DLGAP1: variants seen among roughly 807,000 people sequenced by gnomAD.
DLGAP1 encodes DLG associated protein 1.
Under a neutral mutation model 90.8 loss-of-function variants are expected in DLGAP1, and 11 were observed. That is an observed-to-expected ratio of 0.12 (90% CI 0.08 to 0.20). The LOEUF is 0.20. Among genes scored for constraint, DLGAP1 ranks in the 10% least tolerant of loss-of-function variants. DLGAP1 has a pLI of 1.00. For synonymous variants in DLGAP1, 558 were observed against 540.7 expected, an observed-to-expected ratio of 1.03 and a Z score of -0.44; for missense variants, 1,050 against 1,333.8, an observed-to-expected ratio of 0.79 and a Z score of 3.31.
At chr18:3,618,441 T>C (rs1230078927) in intron 7 of DLGAP1, among the ~76,000 whole-genome samples, 2 of 152,104 alleles carry the variant, frequency 1.3e-5, no homozygotes, top group East Asian at 2.0e-4. Context: ...TTATTTCCAC[T>C]GTGTCCAGGG....
At chr18:4,290,550 G>A (rs1195688951) in intron 1 of DLGAP1, among the ~76,000 whole-genome samples, 1 of 152,156 alleles carries the variant, frequency 6.6e-6, no homozygotes, top group Non-Finnish European at 1.5e-5. Flanking sequence ...GGTCACTGTC[G>A]GGGAGAAGTT....
rs2146517026 is a variant in DLGAP1, at chr18:3,655,807, G to T, written c.1591+73328C>A. ...CAAATAAGGCCACAGAAGAGCCCAG[G>T]CTCGCTGACGAGCACCGGCTCCGAG... On this transcript the variant is annotated intron_variant, in intron 7 of 12. Coordinates refer to ENST00000315677, the MANE Select transcript of DLGAP1 (RefSeq NM_004746.4). 4 of 395,202 alleles carry T rather than the reference G, an allele frequency of 1.0e-5. No homozygotes were observed. The East Asian group carries it at 1.6e-4, about 16-fold the overall frequency. The allele number at this position is 395,202 out of a possible 1,614,324, so 24.5% of individuals were successfully genotyped here.
intron 6 of DLGAP1, among the ~76,000 whole-genome samples, chr18:3,730,729 A>C (rs2062392540): frequency 6.6e-6 from 1 of 152,214 alleles, no homozygotes. Flanking sequence ...CTTCAGATAA[A>C]AGTGACCAAT....
chr18:4,208,541 G>C (rs1371388352), intron 1 of DLGAP1, among the ~76,000 whole-genome samples: 1 of 152,184 alleles, frequency 6.6e-6, no homozygotes. Flanking sequence ...ATATGTTGTT[G>C]AAATTTAGAG....
chr18:3,994,267 G>A (rs2074025532), intron 3 of DLGAP1, among the ~76,000 whole-genome samples: 1 of 152,180 alleles, frequency 6.6e-6, no homozygotes, highest in African/African-American at 2.4e-5. Context: ...GCCCCTCTGC[G>A]ATGGCAGCCT....
At chr18:3,919,347 C>A (rs576320305) in intron 3 of DLGAP1, among the ~76,000 whole-genome samples, 4 of 152,196 alleles carry the variant, frequency 2.6e-5, no homozygotes, top group African/African-American at 9.6e-5. Context: ...CTTTAGTTCA[C>A]TAAAAATGCA....
chr18:3,879,682 C>G lies in DLGAP1; in HGVS notation c.387G>C (p.Glu129Asp), dbSNP rs1287588880. 6.2e-7 allele frequency: 1 copy of G among 1,607,352 alleles called. No homozygotes were observed. The highest frequency in any genetic ancestry group is 1.1e-5 in the South Asian group (1 of 91,018). ...TGCGGCCGGGGCTGTCGCTGCGGTG[C>G]TCCACGGCCGTGCGCTTGTACTGCA... ...HTLQYKRTAV[E>D]HRSDSPGRIR... is the part of the protein sequence containing the mutation. Residue 129 changes from glutamate (E) to aspartate (D), a missense_variant, in exon 4 of 13, where the codon GAG (glutamate) becomes GAC (aspartate). Physicochemically the swap from Glu to Asp is conservative, Grantham distance 45. Coordinates refer to ENST00000315677, the MANE Select transcript of DLGAP1 (RefSeq NM_004746.4). This position sits in a 1 kb window ranked among gnomAD's most constrained non-coding sequence, Gnocchi z 6.6.
chr18:4,409,927 T>C (rs930959027), intron 1 of DLGAP1, among the ~76,000 whole-genome samples: 1 of 151,874 alleles, frequency 6.6e-6, no homozygotes, highest in Non-Finnish European at 1.5e-5. Context: ...AGTCAACGAG[T>C]GGATAAAAAA....
intron 1 of DLGAP1, among the ~76,000 whole-genome samples, chr18:4,192,380 TG>T (rs1314944520): frequency 3.3e-5 from 5 of 152,176 alleles, no homozygotes; most frequent in Non-Finnish European, 7.4e-5. Context: ...GCATGTCATT[TG>T]ATAACGACTG....
At chr18:3,810,216 G>A (rs1307314587) in intron 5 of DLGAP1, among the ~76,000 whole-genome samples, 1 of 152,108 alleles carries the variant, frequency 6.6e-6, no homozygotes, top group Non-Finnish European at 1.5e-5. Context: ...GGACTTCATT[G>A]TCTCAAAACT....
intron 3 of DLGAP1, among the ~76,000 whole-genome samples, chr18:3,970,631 G>T (rs1483368239): frequency 6.8e-6 from 1 of 147,342 alleles, no homozygotes; most frequent in Non-Finnish European, 1.5e-5. Context: ...TAAACATCTT[G>T]CCCCATATTA....
chr18:3,798,652 T>G (rs2066135508), intron 5 of DLGAP1, among the ~76,000 whole-genome samples: 3 of 152,168 alleles, frequency 2.0e-5, no homozygotes, highest in Non-Finnish European at 4.4e-5. Flanking sequence ...CCTCTAAGGT[T>G]GTTTATTTAT....
At chr18:3,699,509 G>A (rs2061207055) in intron 7 of DLGAP1, among the ~76,000 whole-genome samples, 1 of 152,200 alleles carries the variant, frequency 6.6e-6, no homozygotes, top group South Asian at 2.1e-4. Flanking sequence ...TCCTCTGGAA[G>A]CTTCATCCCA....
intron 1 of DLGAP1, among the ~76,000 whole-genome samples, chr18:4,353,462 T>C (rs1482734315): frequency 1.3e-5 from 2 of 152,184 alleles, no homozygotes; most frequent in Non-Finnish European, 2.9e-5. Flanking sequence ...TCCCAGGAGA[T>C]TGCAACCTCC....
At chr18:4,229,505 G>A (rs2078257596) in intron 1 of DLGAP1, among the ~76,000 whole-genome samples, 1 of 151,680 alleles carries the variant, frequency 6.6e-6, no homozygotes, top group African/African-American at 2.4e-5. Context: ...CAAAATAGAG[G>A]ACCTAGAAAC....
intron 1 of DLGAP1, among the ~76,000 whole-genome samples, chr18:4,338,729 C>T (rs964875445): frequency 6.6e-6 from 1 of 152,124 alleles, no homozygotes; most frequent in Non-Finnish European, 1.5e-5. Flanking sequence ...CTGCTTGTTT[C>T]TTTATACATA....
At chr18:3,609,355 TC>T (rs1428556244) in intron 7 of DLGAP1, among the ~76,000 whole-genome samples, 9 of 152,354 alleles carry the variant, frequency 5.9e-5, no homozygotes, top group South Asian at 2.1e-4. Flanking sequence ...GCCTGAGTCT[TC>T]CTTTGGAAGG....
chr18:3,741,834 T>TCTTTTG (rs2063062634), intron 6 of DLGAP1, among the ~76,000 whole-genome samples: 1 of 123,590 alleles, frequency 8.1e-6, no homozygotes, highest in Admixed American at 7.9e-5. Context: ...GCCGAAGTTT[T>TCTTTTG]CTTTTTCTTT....
At chr18:4,374,214 G>A (rs369878723) in intron 1 of DLGAP1, among the ~76,000 whole-genome samples, 14 of 151,980 alleles carry the variant, frequency 9.2e-5, no homozygotes, top group African/African-American at 3.4e-4. Flanking sequence ...ACTGTCTAGA[G>A]GACTATGGAA....
Sources: gnomAD v4.1 joint callset for allele counts (sites outside exome capture counted in the v4.1 genomes callset) on GRCh38, gnomAD v4.1.1 for gene constraint, Gnocchi (gnomAD v3.1) non-coding constraint, MANE v1.5 for transcripts, NCBI Gene and HGNC (gene_info 2026-07-23, HGNC 2026-07-21) for gene names.